The following SBF2 variants were observed in gnomAD, a reference collection of about 807,000 sequenced individuals.
SBF2 encodes SET binding factor 2.
In SBF2, 112 loss-of-function variants were observed where a neutral mutation model predicts 225.2. The observed-to-expected ratio is 0.50, with a 90% CI of 0.43 to 0.58. The LOEUF (loss-of-function observed/expected upper bound fraction) is 0.58. SBF2 is among the 20% of genes least tolerant of loss of function. SBF2 has a pLI of 0.00. For synonymous variants in SBF2, 763 were observed against 773.3 expected, an observed-to-expected ratio of 0.99 and a Z score of 0.22; for missense variants, 1,996 against 2,206.2, an observed-to-expected ratio of 0.90 and a Z score of 1.91.
chr11:10,189,131 A>G (rs1317136318), intron 2 of SBF2, among the ~76,000 whole-genome samples: 1 of 152,176 alleles, frequency 6.6e-6, no homozygotes, highest in African/African-American at 2.4e-5. Flanking sequence ...GTCTTCTTCT[A>G]TTTCTCAAAC....
In SBF2 at chr11:10,000,943, A is replaced by G. The variant is rs746749228; in HGVS notation, c.832T>C (p.Ser278Pro). The change falls in exon 8 of 40, where the codon TCT (serine) becomes CCT (proline). Residue 278 changes from serine (S) to proline (P), a missense_variant. Physicochemically the swap from Ser to Pro is moderately conservative, Grantham distance 74. Coordinates refer to ENST00000256190, the MANE Select transcript of SBF2 (RefSeq NM_030962.4). ...TCATGGACATCAGTTTTAAAGACAG[A>G]ATGTACTCCAATAATGAAAGGCGTT... ...SPTPFIIGVH[S>P]VFKTDVHELL... 2.5e-6 allele frequency: 4 copies of G among 1,600,210 alleles called. No homozygotes were observed. The highest frequency in any genetic ancestry group is 1.7e-5 in the Admixed American group (1 of 59,988).
intron 25 of SBF2, among the ~76,000 whole-genome samples, chr11:9,839,949 C>T (rs1297472693): frequency 6.6e-6 from 1 of 152,108 alleles, no homozygotes; most frequent in Non-Finnish European, 1.5e-5. Context: ...TAAAAACTTC[C>T]TTTTGGGCTG....
intron 18 of SBF2, among the ~76,000 whole-genome samples, 174 bp downstream of exon 18, chr11:9,858,052 T>C (rs1322679078): frequency 2.6e-5 from 4 of 152,160 alleles, no homozygotes; most frequent in Non-Finnish European, 5.9e-5. Flanking sequence ...GAAGTTATTA[T>C]GGAAAAACAT....
chr11:9,858,455 G>A (rs1043734089), intron 17 of SBF2, 59 bp from the exon 18 acceptor site: 1 of 1,507,010 alleles, frequency 6.6e-7, no homozygotes, highest in Non-Finnish European at 9.2e-7. Flanking sequence ...CAGTTCATAA[G>A]GTCACAGGGG....
chr11:10,119,076 G>GA (rs919626402), intron 2 of SBF2, among the ~76,000 whole-genome samples: 7 of 151,806 alleles, frequency 4.6e-5, no homozygotes, highest in Admixed American at 1.3e-4. Flanking sequence ...AACAATGTTT[G>GA]AAAAAAACAG....
intron 13 of SBF2, 57 bp downstream of exon 13, chr11:9,989,440 G>C (rs757420802): frequency 8.6e-7 from 1 of 1,166,824 alleles, no homozygotes; most frequent in Non-Finnish European, 1.2e-6. Flanking sequence ...AATAACTTAC[G>C]GAAAAATAAA....
intron 13 of SBF2, among the ~76,000 whole-genome samples, chr11:9,974,707 G>T (rs1297725333): frequency 6.7e-6 from 1 of 149,956 alleles, no homozygotes; most frequent in East Asian, 1.9e-4. Flanking sequence ...AGTAGCTCAT[G>T]CCTATAATCC....
At chr11:9,907,600 C>T (rs768046234) in intron 16 of SBF2, among the ~76,000 whole-genome samples, 38 of 151,970 alleles carry the variant, frequency 2.5e-4, no homozygotes, top group Admixed American at 1.0e-3. Flanking sequence ...TTTTGAATAC[C>T]ACTGTTATTT....
chr11:9,995,102 A>T (rs1947635359), intron 9 of SBF2, among the ~76,000 whole-genome samples: 1 of 152,182 alleles, frequency 6.6e-6, no homozygotes, highest in African/African-American at 2.4e-5. Flanking sequence ...TTTGCAGTCT[A>T]GACAGGTGAA....
chr11:10,172,312 T>C (rs1372924233), intron 2 of SBF2, among the ~76,000 whole-genome samples: 1 of 152,124 alleles, frequency 6.6e-6, no homozygotes, highest in African/African-American at 2.4e-5. Context: ...CTATATTCCA[T>C]AGGTTTTGGT....
intron 26 of SBF2, among the ~76,000 whole-genome samples, chr11:9,833,421 A>T (rs1241391603): frequency 3.0e-5 from 4 of 134,050 alleles, no homozygotes; most frequent in African/African-American, 8.3e-5. Flanking sequence ...TTTTTTGGTG[A>T]TTTTTTTTTT....
intron 1 of SBF2, among the ~76,000 whole-genome samples, chr11:10,251,420 A>G (rs1193902119): frequency 6.6e-6 from 1 of 152,156 alleles, no homozygotes; most frequent in Non-Finnish European, 1.5e-5. Context: ...CTTGTGAAAG[A>G]CATGCTAAAT....
chr11:10,028,651 C>G, intron 5 of SBF2, 94 bp from the exon 6 acceptor site: 1 of 838,904 alleles, frequency 1.2e-6, no homozygotes, highest in Non-Finnish European at 2.1e-6. Context: ...TTAGAGCAAA[C>G]GACCATGTAA....
intron 26 of SBF2, among the ~76,000 whole-genome samples, chr11:9,836,800 TC>T (rs1855759864): frequency 6.6e-6 from 1 of 152,184 alleles, no homozygotes; most frequent in Admixed American, 6.5e-5. Flanking sequence ...ATTAGATTCA[TC>T]CCTAAGTAAT....
chr11:10,072,890 A>AATTATT (rs58223002), intron 2 of SBF2, among the ~76,000 whole-genome samples: 12 of 148,556 alleles, frequency 8.1e-5, no homozygotes, highest in South Asian at 2.1e-4. Flanking sequence ...ACATATGGCT[A>AATTATT]ATTATTATTA....
chr11:9,971,753 A>G (rs954106886), intron 13 of SBF2, among the ~76,000 whole-genome samples: 1 of 152,232 alleles, frequency 6.6e-6, no homozygotes, highest in African/African-American at 2.4e-5. Flanking sequence ...AGTTGGTCCT[A>G]TAATTTGGTA....
chr11:10,134,369 C>T (rs1482007118), intron 2 of SBF2, among the ~76,000 whole-genome samples: 1 of 151,948 alleles, frequency 6.6e-6, no homozygotes, highest in Non-Finnish European at 1.5e-5. Flanking sequence ...CTGCCCTGGC[C>T]CCCCCCAAAC....
intron 9 of SBF2, among the ~76,000 whole-genome samples, chr11:9,997,553 C>T (rs995331764): frequency 6.6e-6 from 1 of 152,078 alleles, no homozygotes; most frequent in African/African-American, 2.4e-5. Context: ...CCAAAGCGGG[C>T]AGATCACGAG....
intron 1 of SBF2, among the ~76,000 whole-genome samples, chr11:10,280,465 C>G (rs1299375331): frequency 6.6e-6 from 1 of 152,126 alleles, no homozygotes; most frequent in Admixed American, 6.5e-5. Context: ...CTCACTGGAT[C>G]TTACTAAGTC....
Sources: allele counts gnomAD v4.1 joint callset (sites outside exome capture counted in the v4.1 genomes callset), GRCh38; gene constraint gnomAD v4.1.1; transcripts MANE v1.5; gene names NCBI Gene and HGNC (gene_info 2026-07-23, HGNC 2026-07-21).